Variants in DOCK3 observed in about 807,000 individuals in gnomAD.
DOCK3 encodes dedicator of cytokinesis 3.
DOCK3 carries 60 observed loss-of-function variants against 265.6 expected under a neutral mutation model. The ratio of observed to expected loss-of-function variants is 0.23; its 90% CI spans 0.18 to 0.28. DOCK3 has a LOEUF of 0.28. Ranked by LOEUF, DOCK3 falls within the 10% of genes least tolerant of loss-of-function variation. DOCK3 has a pLI of 1.00. For synonymous variants in DOCK3, 881 were observed against 938.0 expected (o/e 0.94, Z 1.11); for missense variants, 1,981 against 2,594.3 (o/e 0.76, Z 5.14).
intron 3 of DOCK3, among the ~76,000 whole-genome samples, chr3:50,868,875 C>T (rs1167253980): frequency 7.4e-6 from 1 of 134,438 alleles, no homozygotes; most frequent in African/African-American, 3.1e-5. Context: ...ATGTTTCATC[C>T]CTGATTTTAT....
intron 6 of DOCK3, among the ~76,000 whole-genome samples, chr3:51,065,137 A>G (rs2081544891): frequency 6.6e-6 from 1 of 152,150 alleles, no homozygotes; most frequent in South Asian, 2.1e-4. Context: ...AGACTTTGGT[A>G]TGGGAAGTTA....
At chr3:51,247,849 A>G (rs1200954612) in intron 22 of DOCK3, among the ~76,000 whole-genome samples, 1 of 152,150 alleles carries the variant, frequency 6.6e-6, no homozygotes, top group African/African-American at 2.4e-5. Context: ...GTGCTGAGGC[A>G]TGTGAGGAAA....
rs368990185 is a variant in DOCK3 at position 51,251,697 on chromosome 3, C to T, written c.2184+4890C>T. On this transcript the variant is annotated intron_variant, in intron 22 of 52. Coordinates refer to ENST00000266037, the MANE Select transcript of DOCK3 (RefSeq NM_004947.5). Reference sequence around the variant, plus strand: ...TTGAGAAGTGTCTGTTCATATCCTTCGCCCACTTTTTGATGGTTTTTTCTT... The same window carrying T: ...TTGAGAAGTGTCTGTTCATATCCTTTGCCCACTTTTTGATGGTTTTTTCTT... 1.9e-4 allele frequency among the ~76,000 whole-genome samples: 29 copies of T among 152,226 alleles called. 1 individual carries two copies. The highest frequency in any genetic ancestry group is 3.3e-4 in the Admixed American group (5 of 15,276).
intron 10 of DOCK3, among the ~76,000 whole-genome samples, chr3:51,149,322 A>G: frequency 6.6e-6 from 1 of 152,078 alleles, no homozygotes; most frequent in Non-Finnish European, 1.5e-5. Flanking sequence ...CTAATTCAGT[A>G]CCCTTTATTT....
chr3:51,359,103 A>G lies in DOCK3; in HGVS notation c.4884+1026A>G, dbSNP rs994134930. The stretch of plus-strand genomic sequence containing the variant: ...CTGTTCAATGCTGCACGAGGTTGTC[A>G]TGAGCAAAAAATTCCCCCTCTAGGG... On this transcript the variant is annotated intron_variant, in intron 46 of 52. Coordinates refer to ENST00000266037, the MANE Select transcript of DOCK3 (RefSeq NM_004947.5). The surrounding 1 kb of genome is among the most constrained non-coding windows in gnomAD (Gnocchi z 4.8). Among the ~76,000 whole-genome samples the G allele has an allele frequency of 4.6e-5, 7 of 152,242 alleles. No homozygotes were observed. The highest frequency in any genetic ancestry group is 1.0e-4 in the Non-Finnish European group (7 of 68,036).
chr3:50,917,328 G>A (rs1336487998), intron 4 of DOCK3, among the ~76,000 whole-genome samples: 2 of 152,064 alleles, frequency 1.3e-5, no homozygotes, highest in African/African-American at 2.4e-5. Context: ...GGGTTGGGTA[G>A]TAGGGTGGGT....
chr3:51,137,733 CTA>C (rs2084870070), intron 9 of DOCK3, among the ~76,000 whole-genome samples: 1 of 152,142 alleles, frequency 6.6e-6, no homozygotes, highest in South Asian at 2.1e-4. Flanking sequence ...ATGCTATTGT[CTA>C]TAGTTCATCA....
chr3:51,024,218 T>A (rs1471501105), intron 5 of DOCK3, among the ~76,000 whole-genome samples: 1 of 152,202 alleles, frequency 6.6e-6, no homozygotes, highest in African/African-American at 2.4e-5. Context: ...ATGTACTTGG[T>A]GTGTAGGCCA....
intron 9 of DOCK3, among the ~76,000 whole-genome samples, chr3:51,091,070 T>G (rs982979975): frequency 3.7e-4 from 57 of 152,222 alleles, no homozygotes; most frequent in African/African-American, 1.3e-3. Context: ...ATGCTTTACT[T>G]TGGCATAGGA....
intron 3 of DOCK3, among the ~76,000 whole-genome samples, chr3:50,884,320 ACC>A (rs1400399901): frequency 6.6e-6 from 1 of 151,972 alleles, no homozygotes; most frequent in African/African-American, 2.4e-5. Flanking sequence ...TGAACTCCTG[ACC>A]TCAGGTGATT....
chr3:51,348,995 C>T (rs1040746784), intron 39 of DOCK3, 57 bp downstream of exon 39: 81 of 1,366,780 alleles, frequency 5.9e-5, no homozygotes, highest in Middle Eastern at 2.5e-4. Flanking sequence ...TCTAAATGAG[C>T]GTTCTCTATG....
intron 9 of DOCK3, among the ~76,000 whole-genome samples, chr3:51,091,464 A>G (rs568243222): frequency 6.6e-6 from 1 of 152,272 alleles, no homozygotes; most frequent in African/African-American, 2.4e-5. Context: ...AGGGCGAATC[A>G]CGAAGTCAGG....
At chr3:51,013,497 T>C (rs2079032412) in intron 5 of DOCK3, among the ~76,000 whole-genome samples, 1 of 152,164 alleles carries the variant, frequency 6.6e-6, no homozygotes, top group Non-Finnish European at 1.5e-5. Context: ...GAACAGCAAA[T>C]ATTGCAGAAT....
At chr3:51,041,319 G>A (rs2080523691) in intron 5 of DOCK3, among the ~76,000 whole-genome samples, 1 of 141,510 alleles carries the variant, frequency 7.1e-6, no homozygotes, top group Admixed American at 7.4e-5. Context: ...CTGGGTTCAC[G>A]CCATTCTCCT....
chr3:50,919,965 G>A (rs1017861687), intron 4 of DOCK3, among the ~76,000 whole-genome samples: 1 of 152,160 alleles, frequency 6.6e-6, no homozygotes, highest in Non-Finnish European at 1.5e-5. Flanking sequence ...ATGAAGCGCT[G>A]TTGAATTTTG....
chr3:51,279,167 G>A (rs1369806001), intron 26 of DOCK3, among the ~76,000 whole-genome samples: 1 of 152,044 alleles, frequency 6.6e-6, no homozygotes, highest in Non-Finnish European at 1.5e-5. Context: ...CAGGAGAATC[G>A]CTTATACCTA....
At chr3:51,101,670 T>C (rs894956481) in intron 9 of DOCK3, among the ~76,000 whole-genome samples, 3 of 152,240 alleles carry the variant, frequency 2.0e-5, no homozygotes, top group African/African-American at 7.2e-5. Context: ...TGCTATGAGC[T>C]GGTAACATTT....
chr3:51,357,025 T>C lies in DOCK3; in HGVS notation c.4567T>C (p.Ser1523Pro), dbSNP rs1576921643. ...TGAGAATAAGAACCAGGAGCTACGC[T>C]CCCTGATCAGCCAGTATCAACACAA... The part of the protein sequence containing the change: ...VVENKNQELR[S>P]LISQYQHKQV... The change falls in exon 44 of 53, where the codon TCC becomes CCC. Residue 1523 changes from serine to proline, a missense_variant. This residue lies in a region of DOCK3 where 1,357 missense variants were observed against 1,866.8 expected (regional missense o/e 0.73). Coordinates refer to ENST00000266037, the MANE Select transcript of DOCK3 (RefSeq NM_004947.5). 2.5e-6 allele frequency: 4 copies of C among 1,613,458 alleles called. No individual in the cohort carries two copies. Among genetic ancestry groups the C allele is most frequent in the Non-Finnish European group, 3.4e-6 (4 of 1,179,892 alleles).
intron 5 of DOCK3, among the ~76,000 whole-genome samples, chr3:50,952,781 A>G (rs1388425501): frequency 2.0e-5 from 3 of 152,142 alleles, no homozygotes; most frequent in Non-Finnish European, 4.4e-5. Context: ...CCAAATTTCT[A>G]GGTTTGCGTG....
Sources: gnomAD v4.1 joint callset for allele counts (sites outside exome capture counted in the v4.1 genomes callset) on GRCh38, gnomAD v4.1.1 for gene constraint, gnomAD v4.1.1 regional missense constraint, Gnocchi (gnomAD v3.1) non-coding constraint, MANE v1.5 for transcripts, NCBI Gene and HGNC (gene_info 2026-07-23, HGNC 2026-07-21) for gene names.